The following TAMALIN variants were observed in gnomAD, a reference collection of about 807,000 sequenced individuals.
TAMALIN encodes trafficking regulator and scaffold protein tamalin.
A neutral mutation model predicts 38.5 loss-of-function variants in TAMALIN; 9 were observed. That is an observed-to-expected ratio of 0.23 (90% CI 0.14 to 0.41). The LOEUF is 0.41. Ranked by LOEUF, TAMALIN falls within the 10% of genes least tolerant of loss-of-function variation. The pLI, the probability that TAMALIN is intolerant of heterozygous loss-of-function variation, is 1.00. For missense variants in TAMALIN, 548 were observed against 554.1 expected (o/e 0.99, Z 0.11); for synonymous variants, 306 against 256.5 (o/e 1.19, Z -1.85).
intron 2 of TAMALIN, chr12:52,010,588 G>A (rs1204464136): frequency 2.5e-6 from 3 of 1,222,156 alleles, no homozygotes; most frequent in African/African-American, 3.1e-5. Context: ...GGGCTCACTG[G>A]AAAGCTGGGA....
At chr12:52,008,582 T>A in intron 1 of TAMALIN, 1 of 985,378 alleles carries the variant, frequency 1.0e-6, no homozygotes, top group African/African-American at 1.7e-5. Flanking sequence ...GATCCACAAC[T>A]GGTCCTTGAA....
At chr12:52,009,374 T>G (rs1592271457) in intron 2 of TAMALIN, 135 bp downstream of exon 2, 1 of 813,558 alleles carries the variant, frequency 1.2e-6, no homozygotes. Flanking sequence ...CCGCTGGGAG[T>G]GAGGGCAGGT....
intron 6 of TAMALIN, 94 bp from the exon 7 acceptor site, chr12:52,014,041 T>C: frequency 1.3e-6 from 2 of 1,553,958 alleles, no homozygotes; most frequent in South Asian, 2.2e-5. Flanking sequence ...TAACTGAAGA[T>C]TTCTTTTGTC....
In TAMALIN at chr12:52,009,255, C is replaced by T; in HGVS notation, c.296+16C>T. ...AACAGCAGCGGTGAGTCACCAACAC[C>T]CAGCCCCTGCCATGGTCCAAAGGGG... On this transcript the variant is annotated intron_variant, in intron 2 of 7. Coordinates refer to ENST00000293662, the MANE Select transcript of TAMALIN (RefSeq NM_181711.4). 1 of 1,613,206 alleles carries T rather than the reference C, an allele frequency of 6.2e-7. No individual in the cohort carries two copies. Among genetic ancestry groups the T allele is most frequent in the Non-Finnish European group, 8.5e-7 (1 of 1,179,532 alleles).
intron 4 of TAMALIN, among the ~76,000 whole-genome samples, chr12:52,012,299 G>A (rs547981261): frequency 6.6e-6 from 1 of 152,314 alleles, no homozygotes; most frequent in African/African-American, 2.4e-5. Context: ...TGTTGCCCAG[G>A]CTGGAGTGCA....
chr12:52,008,858 C>CCCTAGGG, intron 1 of TAMALIN: 1 of 641,816 alleles, frequency 1.6e-6, no homozygotes, highest in Non-Finnish European at 1.9e-6. Flanking sequence ...CAGACATGGG[C>CCCTAGGG]CCTAGGGGTG....
rs1384768389 is a variant in TAMALIN at position 52,015,061 on chromosome 12, G to C, written c.1050G>C (p.Ala350=). 4.1e-6 allele frequency: 6 copies of C among 1,454,468 alleles called. No homozygotes were observed. Among genetic ancestry groups the C allele is most frequent in the Non-Finnish European group, 9.0e-7 (1 of 1,112,884 alleles). The allele number at this position is 1,454,468 out of a possible 1,614,324, so 90.1% of individuals were successfully genotyped here. The part of the protein sequence containing the change: ...GGGGGGGAPG[A]LWTEAREQAL... The stretch of plus-strand genomic sequence containing the variant: ...GCGGAGGCGGGGGCGCGCCGGGCGC[G>C]CTCTGGACTGAGGCTCGCGAGCAGG... Residue 350 remains alanine, a synonymous_variant, in exon 8 of 8, where the codon GCG becomes GCC. Coordinates refer to ENST00000293662, the MANE Select transcript of TAMALIN (RefSeq NM_181711.4).
intron 1 of TAMALIN, chr12:52,008,861 T>G: frequency 4.8e-5 from 28 of 578,990 alleles, no homozygotes; most frequent in Non-Finnish European, 6.1e-5. Flanking sequence ...ACATGGGCCC[T>G]AGGGGTGGAG....
chr12:52,012,987 G>T (rs2120847680), intron 4 of TAMALIN, among the ~76,000 whole-genome samples: 1 of 152,298 alleles, frequency 6.6e-6, no homozygotes, highest in African/African-American at 2.4e-5. Context: ...AATTGACTGG[G>T]TCTTATGGCC....
At position 52,015,058 on chromosome 12, in the gene TAMALIN, C is replaced by T. The variant is rs1592274827; in HGVS notation, c.1047C>T (p.Gly349=). 2.1e-6 allele frequency: 3 copies of T among 1,400,648 alleles called. No homozygotes were observed. Among genetic ancestry groups the T allele is most frequent in the Non-Finnish European group, 2.8e-6 (3 of 1,087,150 alleles). The allele number at this position is 1,400,648 out of a possible 1,614,324, so 86.8% of individuals were successfully genotyped here. ...PGGGGGGGAP[G]ALWTEAREQA... ...GGGGCGGAGGCGGGGGCGCGCCGGG[C>T]GCGCTCTGGACTGAGGCTCGCGAGC... Residue 349 remains glycine, a synonymous_variant, in exon 8 of 8, where the codon GGC becomes GGT. Coordinates refer to ENST00000293662, the MANE Select transcript of TAMALIN (RefSeq NM_181711.4).
chr12:52,013,319 C>T (rs1010892437), intron 4 of TAMALIN, among the ~76,000 whole-genome samples: 17 of 151,854 alleles, frequency 1.1e-4, no homozygotes, highest in East Asian at 7.7e-4. Flanking sequence ...CCTCGTGATC[C>T]GCCCGCCTCG....
Position 52,011,607 on chromosome 12 carries a change from T to C in TAMALIN, c.454+466T>C, listed in dbSNP as rs948450833. 5.8e-3 allele frequency among the ~76,000 whole-genome samples: 2 copies of C among 346 alleles called. No homozygotes were observed. Among genetic ancestry groups the C allele is most frequent in the African/African-American group, 0.028 (2 of 72 alleles). 0.2% of individuals were successfully genotyped at this position (346 alleles called of 152,430 possible). A position where few individuals can be genotyped will look rare whatever the true frequency, so the allele number is the denominator to read the frequency against. Reference sequence around the variant, plus strand: ...ACTCCCTTTTAAAAAATTAGAAACTTTTTTTTTTTTTAAGAGACAGGGCCT... The same window carrying C: ...ACTCCCTTTTAAAAAATTAGAAACTCTTTTTTTTTTTAAGAGACAGGGCCT... On this transcript the variant is annotated intron_variant, in intron 4 of 7. Transcript: ENST00000293662. This position sits in a 1 kb window ranked among gnomAD's most constrained non-coding sequence, Gnocchi z 5.3.
In TAMALIN at chr12:52,015,270, A is replaced by C. The variant is rs1375863981; in HGVS notation, c.*71A>C. The C allele has an allele frequency of 2.0e-6, 3 of 1,464,722 alleles. No homozygotes were observed. Among genetic ancestry groups the C allele is most frequent in the African/African-American group, 1.5e-5 (1 of 68,300 alleles). The allele number at this position is 1,464,722 out of a possible 1,614,324, so 90.7% of individuals were successfully genotyped here. ...CCAGCGCTAAAAGAGGGGGAGGCCG[A>C]GCCAAGAGGACCCCAGGAGCCCAGA... On this transcript the variant is annotated 3_prime_UTR_variant, in exon 8 of 8. Coordinates refer to ENST00000293662, the MANE Select transcript of TAMALIN (RefSeq NM_181711.4).
Position 52,007,917 on chromosome 12 carries a change from CCT to C in TAMALIN, c.246+655_246+656del. The C allele has an allele frequency of 1.0e-6, 1 of 985,436 alleles. No individual in the cohort carries two copies. The highest frequency in any genetic ancestry group is 4.7e-5 in the South Asian group (1 of 21,288). The allele number at this position is 985,436 out of a possible 1,614,324, so 61.0% of individuals were successfully genotyped here. Reference sequence around the variant, plus strand: ...GCAGGAAGGATGCGGGCCGCGCCCACCTCTGAGTCCCCTCTGCCAGCCTCTTC... The same window carrying C: ...GCAGGAAGGATGCGGGCCGCGCCCACCTGAGTCCCCTCTGCCAGCCTCTTC... On this transcript the variant is annotated intron_variant, in intron 1 of 7. Coordinates refer to ENST00000293662, the MANE Select transcript of TAMALIN (RefSeq NM_181711.4). This position sits in a 1 kb window ranked among gnomAD's most constrained non-coding sequence, Gnocchi z 6.7.
chr12:52,010,980 C>A (rs1937632276), intron 3 of TAMALIN, 45 bp downstream of exon 3: 3 of 1,613,812 alleles, frequency 1.9e-6, no homozygotes, highest in Non-Finnish European at 2.5e-6. Flanking sequence ...GGATGACCAG[C>A]CTGAGGGATG....
In TAMALIN at chr12:52,007,766, C is replaced by G; in HGVS notation, c.246+501C>G. ...GATAGCACACCCTTCCGAGGGGACT[C>G]CCCGATTCCTGGGCTGGGGGCCTGC... On this transcript the variant is annotated intron_variant, in intron 1 of 7. Transcript: ENST00000293662. The surrounding 1 kb of genome is among the most constrained non-coding windows in gnomAD (Gnocchi z 6.7). The G allele has an allele frequency of 1.0e-6, 1 of 985,462 alleles. No homozygotes were observed. Among genetic ancestry groups the G allele is most frequent in the Non-Finnish European group, 1.2e-6 (1 of 829,932 alleles). 61.0% of individuals were successfully genotyped at this position (985,462 alleles called of 1,614,324 possible).
At position 52,014,698 on chromosome 12, in the gene TAMALIN, G is replaced by T; in HGVS notation, c.687G>T (p.Leu229=). The change falls in exon 8 of 8, where the codon CTG becomes CTT. Residue 229 remains leucine, a synonymous_variant. Transcript: ENST00000293662. The part of the protein sequence containing the change: ...MVQEQRLVHG[L]VVKDPSIYDT... Reference sequence around the variant, plus strand: ...ACCTCTCCCGTCTCTGCGCAGGCCTGGTGGTGAAGGACCCCAGCATCTACG... The same window carrying T: ...ACCTCTCCCGTCTCTGCGCAGGCCTTGTGGTGAAGGACCCCAGCATCTACG... 1 of 1,499,538 alleles carries T rather than the reference G, an allele frequency of 6.7e-7. No homozygotes were observed. The highest frequency in any genetic ancestry group is 8.8e-7 in the Non-Finnish European group (1 of 1,138,542). The allele number at this position is 1,499,538 out of a possible 1,614,324, so 92.9% of individuals were successfully genotyped here. A position where few individuals can be genotyped will look rare whatever the true frequency, so the allele number is the denominator to read the frequency against.
chr12:52,015,178 G>A lies in TAMALIN; in HGVS notation c.1167G>A (p.Glu389=), dbSNP rs1437228019. The A allele has an allele frequency of 1.3e-6, 2 of 1,593,234 alleles. No individual in the cohort carries two copies. Among genetic ancestry groups the A allele is most frequent in the Non-Finnish European group, 8.5e-7 (1 of 1,177,834 alleles). The change falls in exon 8 of 8, where the codon GAG becomes GAA. Residue 389 remains glutamate (E), a synonymous_variant. Transcript: ENST00000293662. ...KFIPGLNRSL[E]EEESQL is the part of the protein sequence containing the mutation. ...TCCCCGGACTCAACCGCTCCCTGGA[G>A]GAGGAGGAGAGCCAGCTGTAGGGGC...
chr12:52,009,147 C>T (rs1364762427), intron 1 of TAMALIN, 43 bp from the exon 2 acceptor site: 1 of 1,600,310 alleles, frequency 6.2e-7, no homozygotes, highest in East Asian at 2.2e-5. Context: ...TGCTCAAGGA[C>T]AGTCCCGCCT....
Sources: allele counts gnomAD v4.1 joint callset (sites outside exome capture counted in the v4.1 genomes callset), GRCh38; gene constraint gnomAD v4.1.1; non-coding constraint Gnocchi (gnomAD v3.1); transcripts MANE v1.5; gene names NCBI Gene and HGNC (gene_info 2026-07-23, HGNC 2026-07-21).